Variants in FHOD3 observed in about 807,000 individuals in gnomAD.
The protein encoded by FHOD3 is formin homology 2 domain containing 3, also known as FH1/FH2 domain-containing protein 3.
A neutral mutation model predicts 173.0 loss-of-function variants in FHOD3; 90 were observed. The ratio of observed to expected loss-of-function variants is 0.52; its 90% confidence interval spans 0.44 to 0.62. The LOEUF (loss-of-function observed/expected upper bound fraction) is 0.62. Ranked by LOEUF, FHOD3 falls within the 20% of genes least tolerant of loss-of-function variation. The probability of loss-of-function intolerance (pLI) is 0.00; values close to 1 mark genes in which losing one functional copy is unlikely to be tolerated. For missense variants in FHOD3, 1,945 were observed against 2,034.7 expected (o/e 0.96, Z 0.85); for synonymous variants, 828 against 823.0 (o/e 1.01, Z -0.10).
In FHOD3 at chr18:36,665,127, GT is replaced by G. The variant is rs1475234258; in HGVS notation, c.1835+6942del. ...AATGTATATTGCTAGATCACTGAATGTTTGTTTTCCTATCTCTTTCCCCATT... is the reference window on the plus strand; with the variant it reads ...AATGTATATTGCTAGATCACTGAATGTTGTTTTCCTATCTCTTTCCCCATT... On this transcript the variant is annotated intron_variant, in intron 14 of 28. Transcript: ENST00000590592. Among the ~76,000 whole-genome samples the G allele has an allele frequency of 2.6e-5, 4 of 152,270 alleles. No homozygotes were observed. The East Asian group carries it at 7.7e-4, about 29-fold the overall frequency.
chr18:36,467,034 C>T (rs956493961), intron 3 of FHOD3, among the ~76,000 whole-genome samples: 1 of 152,058 alleles, frequency 6.6e-6, no homozygotes, highest in Non-Finnish European at 1.5e-5. Flanking sequence ...GGGATCCCTG[C>T]CCCATCTCAG....
chr18:36,668,912 T>C (rs931100576), intron 14 of FHOD3, among the ~76,000 whole-genome samples: 1 of 152,010 alleles, frequency 6.6e-6, no homozygotes. Context: ...TAGGATCAAC[T>C]GTGGCAAATA....
chr18:36,562,387 C>T (rs1240874675), intron 5 of FHOD3, among the ~76,000 whole-genome samples: 1 of 152,114 alleles, frequency 6.6e-6, no homozygotes, highest in Non-Finnish European at 1.5e-5. Flanking sequence ...GAATTAAAGT[C>T]CTCTGAGAAG....
At chr18:36,487,802 C>T (rs1266387701) in intron 3 of FHOD3, among the ~76,000 whole-genome samples, 1 of 152,166 alleles carries the variant, frequency 6.6e-6, no homozygotes, top group East Asian at 1.9e-4. Context: ...CTGCATGGCA[C>T]TCTTGGCTTA....
chr18:36,779,366 G>A, intron 28 of FHOD3, 82 bp from the exon 29 acceptor site: 1 of 1,248,088 alleles, frequency 8.0e-7, no homozygotes, highest in South Asian at 1.2e-5. Context: ...GGGGGGACTG[G>A]AGTCTTGACT....
chr18:36,425,961 C>T (rs1015904326), intron 3 of FHOD3, among the ~76,000 whole-genome samples: 4 of 150,738 alleles, frequency 2.7e-5, no homozygotes, highest in East Asian at 1.9e-4. Flanking sequence ...AGTGCAGTGG[C>T]GCGATCTTGG....
At chr18:36,327,457 C>T (rs1362761148) in intron 1 of FHOD3, among the ~76,000 whole-genome samples, 2 of 152,262 alleles carry the variant, frequency 1.3e-5, no homozygotes, top group Non-Finnish European at 2.9e-5. Flanking sequence ...ATGTTGTGAG[C>T]CACTGCCAGA....
chr18:36,315,361 C>G lies in FHOD3; in HGVS notation c.165+17361C>G, dbSNP rs117713288. Among the ~76,000 whole-genome samples the G allele has an allele frequency of 1.1e-3, 160 of 152,238 alleles. 4 individuals are homozygous for G. The East Asian group carries it at 0.03, about 28-fold the overall frequency. On this transcript the variant is annotated intron_variant, in intron 1 of 28. Coordinates refer to ENST00000590592, the MANE Select transcript of FHOD3 (RefSeq NM_001281740.3). ...GCCTTTCCTGGCCTCAGCCTGCCTC[C>G]TTGGCCACCCAAGAGCTCTGGATCC... is the stretch of plus-strand genomic sequence containing the variant.
intron 1 of FHOD3, among the ~76,000 whole-genome samples, chr18:36,306,477 T>C (rs2092101375): frequency 1.3e-5 from 2 of 152,164 alleles, no homozygotes. Flanking sequence ...GAACCAGATA[T>C]GTTCCATTCA....
At chr18:36,394,639 C>T (rs530250630) in intron 3 of FHOD3, among the ~76,000 whole-genome samples, 6 of 152,184 alleles carry the variant, frequency 3.9e-5, no homozygotes, top group African/African-American at 9.7e-5. Flanking sequence ...TGAATCATCA[C>T]GGGTGTTCTC....
chr18:36,731,067 A>G (rs2041334233), intron 20 of FHOD3, among the ~76,000 whole-genome samples: 1 of 152,202 alleles, frequency 6.6e-6, no homozygotes, highest in African/African-American at 2.4e-5. Context: ...GAAGAAGACT[A>G]TGATAACCTC....
At chr18:36,691,389 G>A (rs887169253) in intron 16 of FHOD3, among the ~76,000 whole-genome samples, 5 of 152,232 alleles carry the variant, frequency 3.3e-5, no homozygotes, top group African/African-American at 1.2e-4. Flanking sequence ...TGTGGCAGCA[G>A]TGTGGGAATG....
intron 14 of FHOD3, among the ~76,000 whole-genome samples, chr18:36,679,060 G>C (rs1483956476): frequency 6.6e-6 from 1 of 151,938 alleles, no homozygotes; most frequent in African/African-American, 2.4e-5. Context: ...TTTTTCATGG[G>C]TGTGAATATA....
rs371141169 is a variant in FHOD3, at chr18:36,497,471, A to T, written c.338-4461A>T. On this transcript the variant is annotated intron_variant, in intron 3 of 28. Transcript: ENST00000590592. ...AATGGTCAGATTGCATGTAAGCAAG[A>T]TGCAACTATATAAGAAATTCTACAT... is the stretch of plus-strand genomic sequence containing the variant. 2.7e-3 allele frequency among the ~76,000 whole-genome samples: 414 copies of T among 152,364 alleles called. 2 individuals are homozygous for T. Among genetic ancestry groups the T allele is most frequent in the Non-Finnish European group, 4.6e-3 (314 of 68,034 alleles).
chr18:36,510,362 AT>A (rs1237305561), intron 4 of FHOD3, among the ~76,000 whole-genome samples: 1 of 152,158 alleles, frequency 6.6e-6, no homozygotes, highest in Non-Finnish European at 1.5e-5. Context: ...AATTTGGAAG[AT>A]TTTTTTCCAC....
At chr18:36,720,308 G>T (rs1410985728) in intron 19 of FHOD3, among the ~76,000 whole-genome samples, 3 of 144,900 alleles carry the variant, frequency 2.1e-5, no homozygotes, top group Non-Finnish European at 4.5e-5. Context: ...TGTGATCTTG[G>T]CTCACTGCAA....
At chr18:36,736,396 C>G (rs1188673037) in intron 20 of FHOD3, among the ~76,000 whole-genome samples, 2 of 152,234 alleles carry the variant, frequency 1.3e-5, no homozygotes, top group Non-Finnish European at 2.9e-5. Flanking sequence ...GCGCCCGCAT[C>G]TATGGCACCA....
chr18:36,329,797 G>A (rs2044889579), intron 1 of FHOD3, among the ~76,000 whole-genome samples: 1 of 140,102 alleles, frequency 7.1e-6, no homozygotes, highest in African/African-American at 2.7e-5. Flanking sequence ...ATCCCAACAG[G>A]AGAGGGAATT....
At chr18:36,312,422 C>T (rs1449247751) in intron 1 of FHOD3, among the ~76,000 whole-genome samples, 1 of 152,166 alleles carries the variant, frequency 6.6e-6, no homozygotes, top group Non-Finnish European at 1.5e-5. Flanking sequence ...GGCTCTGAGG[C>T]CAAATACCCA....
Sources: allele counts gnomAD v4.1 joint callset (sites outside exome capture counted in the v4.1 genomes callset), GRCh38; gene constraint gnomAD v4.1.1; transcripts MANE v1.5; gene names NCBI Gene and HGNC (gene_info 2026-07-23, HGNC 2026-07-21).